The following UBR2 variants were observed in gnomAD, a reference collection of about 807,000 sequenced individuals.
UBR2 encodes the protein E3 ubiquitin-protein ligase UBR2.
A neutral mutation model predicts 247.9 loss-of-function variants in UBR2; 92 were observed. The ratio of observed to expected loss-of-function variants is 0.37; its 90% CI spans 0.31 to 0.44. UBR2 has a LOEUF of 0.44. Ranked by LOEUF, UBR2 falls within the 20% of genes least tolerant of loss-of-function variation. The pLI is 1.00. For missense variants in UBR2, 1,613 were observed against 2,112.6 expected (o/e 0.76, Z 4.64); for synonymous variants, 672 against 693.5 (o/e 0.97, Z 0.49).
In UBR2 at chr6:42,615,225, A is replaced by C. The variant is rs757682918; in HGVS notation, c.1093+47A>C. On this transcript the variant is annotated intron_variant, in intron 9 of 46. Coordinates refer to ENST00000372901, the MANE Select transcript of UBR2 (RefSeq NM_001363705.2). ...AAGGTGTAGAGGAACCTATATAAGT[A>C]ATTGGGATGTGAAAGGTTTTTATCA... 2.8e-6 allele frequency: 4 copies of C among 1,416,372 alleles called. No homozygotes were observed. In the South Asian group the frequency reaches 5.6e-5, roughly 20 times the overall value. The allele number at this position is 1,416,372 out of a possible 1,614,324, so 87.7% of individuals were successfully genotyped here. A position where few individuals can be genotyped will look rare whatever the true frequency, so the allele number is the denominator to read the frequency against.
rs748574936 is a variant in UBR2 at position 42,564,329 on chromosome 6, G to T, written c.10G>T (p.Glu4Ter). MAS[E>*]LEPEVQAIDR... ...AGGAGGAGGAGAGAAGATGGCGTCG[G>T]AGCTAGAGCCAGAGGTGCAGGCCAT... is the stretch of plus-strand genomic sequence containing the variant. The change falls in exon 1 of 47, where the codon GAG becomes TAG. Residue 4 changes from glutamate to a stop codon, truncating the protein, a stop_gained. Transcript: ENST00000372901. LOFTEE classifies it high-confidence loss of function. 1 of 1,611,254 alleles carries T rather than the reference G, an allele frequency of 6.2e-7. No individual in the cohort carries two copies. Among genetic ancestry groups the T allele is most frequent in the Non-Finnish European group, 8.5e-7 (1 of 1,179,030 alleles).
At chr6:42,687,046 G>A (rs867843429) in intron 44 of UBR2, among the ~76,000 whole-genome samples, 1 of 151,760 alleles carries the variant, frequency 6.6e-6, no homozygotes, top group South Asian at 2.1e-4. Context: ...CAGACTGGGC[G>A]GCCGGGCAGA....
At chr6:42,640,993 T>TGAG (rs1796412921) in intron 16 of UBR2, among the ~76,000 whole-genome samples, 1 of 151,988 alleles carries the variant, frequency 6.6e-6, no homozygotes, top group Non-Finnish European at 1.5e-5. Context: ...CCTCCCAAAG[T>TGAG]GCTGAGATTA....
At chr6:42,653,720 A>G (rs1174657658) in intron 25 of UBR2, among the ~76,000 whole-genome samples, 2 of 140,550 alleles carry the variant, frequency 1.4e-5, no homozygotes, top group Non-Finnish European at 3.0e-5. Context: ...GGTTCAAGCA[A>G]TTCTCCTGCC....
intron 44 of UBR2, among the ~76,000 whole-genome samples, chr6:42,687,985 T>A: frequency 6.6e-6 from 1 of 152,208 alleles, no homozygotes; most frequent in Non-Finnish European, 1.5e-5. Flanking sequence ...TTATTTATTT[T>A]TTTTTCTCCA....
In UBR2 at chr6:42,689,254, T is replaced by C. The variant is rs1350349090; in HGVS notation, c.5025-315T>C. Among the ~76,000 whole-genome samples the C allele has an allele frequency of 1.3e-5, 2 of 152,206 alleles. No homozygotes were observed. The highest frequency in any genetic ancestry group is 2.9e-5 in the Non-Finnish European group (2 of 68,038). ...CATGAGTGTGGGCTCCTCTGGAGCA[T>C]AGGTTGTATCCATAGCTTAGTCATC... On this transcript the variant is annotated intron_variant, in intron 45 of 46. Coordinates refer to ENST00000372901, the MANE Select transcript of UBR2 (RefSeq NM_001363705.2). The surrounding 1 kb of genome is among the most constrained non-coding windows in gnomAD (Gnocchi z 4.0).
At chr6:42,606,722 TG>T (rs1237423539) in intron 7 of UBR2, 71 bp downstream of exon 7, 1 of 1,305,610 alleles carries the variant, frequency 7.7e-7, no homozygotes, top group African/African-American at 1.5e-5. Flanking sequence ...TCAGCATTTA[TG>T]AACATGTCTT....
intron 30 of UBR2, among the ~76,000 whole-genome samples, chr6:42,661,592 C>T (rs959601973): frequency 6.6e-6 from 1 of 152,084 alleles, no homozygotes; most frequent in Non-Finnish European, 1.5e-5. Flanking sequence ...TTTTTCATCC[C>T]CTTTGAATAT....
chr6:42,573,352 G>A (rs61447183), intron 1 of UBR2, among the ~76,000 whole-genome samples: 3,368 of 152,238 alleles, frequency 0.022, 117 homozygotes, highest in African/African-American at 0.076. Flanking sequence ...ACAAACTGAC[G>A]TGAGAATTGA....
intron 2 of UBR2, among the ~76,000 whole-genome samples, chr6:42,577,588 T>C (rs1218113688): frequency 1.3e-5 from 2 of 152,224 alleles, no homozygotes; most frequent in Admixed American, 6.5e-5. Flanking sequence ...ATTTTGATAA[T>C]TGTATATTTT....
chr6:42,660,817 A>C (rs1455287965), intron 30 of UBR2, among the ~76,000 whole-genome samples: 1 of 151,468 alleles, frequency 6.6e-6, no homozygotes, highest in African/African-American at 2.4e-5. Flanking sequence ...CAAAAAAAAA[A>C]CTAGCCAAAT....
chr6:42,619,430 TA>T (rs1562317835), intron 11 of UBR2: 250 of 18,158 alleles, frequency 0.014, 25 homozygotes, highest in African/African-American at 0.043. Flanking sequence ...TATATATATA[TA>T]TATATATATA....
intron 8 of UBR2, among the ~76,000 whole-genome samples, chr6:42,614,228 A>C (rs1794302227): frequency 3.2e-5 from 3 of 94,000 alleles, no homozygotes; most frequent in Non-Finnish European, 4.6e-5. Flanking sequence ...ACACACACAC[A>C]CACACACACA....
At position 42,684,779 on chromosome 6, in the gene UBR2, T is replaced by C. The variant is rs1453353190; in HGVS notation, c.4776-15T>C. ...AAATTAATGGAGTGTTCTTTAATTT[T>C]TCTCTTTTTTTCAGATATCCAAGAG... On this transcript the variant is annotated splice_polypyrimidine_tract_variant and intron_variant, in intron 43 of 46. Transcript: ENST00000372901. 3 of 1,592,108 alleles carry C rather than the reference T, an allele frequency of 1.9e-6. No homozygotes were observed. The South Asian group carries it at 3.4e-5, about 18-fold the overall frequency.
intron 26 of UBR2, 74 bp downstream of exon 26, chr6:42,655,797 A>G: frequency 2.3e-6 from 2 of 861,576 alleles, no homozygotes; most frequent in Non-Finnish European, 3.4e-6. Flanking sequence ...AACCTCTTTT[A>G]TTTGATCATA....
intron 4 of UBR2, among the ~76,000 whole-genome samples, chr6:42,595,098 TG>T (rs1427265056): frequency 1.3e-5 from 2 of 152,236 alleles, no homozygotes; most frequent in Non-Finnish European, 2.9e-5. Flanking sequence ...CAATGTGTAA[TG>T]AGCAAATCAG....
intron 1 of UBR2, among the ~76,000 whole-genome samples, chr6:42,570,264 A>C (rs1233169916): frequency 1.3e-5 from 2 of 152,130 alleles, no homozygotes; most frequent in Non-Finnish European, 2.9e-5. Context: ...ACGGAGTCTC[A>C]CTCTGTCCTC....
intron 4 of UBR2, among the ~76,000 whole-genome samples, chr6:42,597,999 G>GA (rs572529587): frequency 1.8e-4 from 28 of 151,958 alleles, no homozygotes; most frequent in Non-Finnish European, 3.7e-4. Flanking sequence ...AGTAACTGTT[G>GA]AACATAATTT....
chr6:42,662,741 A>G (rs1209483938), intron 31 of UBR2, among the ~76,000 whole-genome samples: 1 of 152,174 alleles, frequency 6.6e-6, no homozygotes, highest in Non-Finnish European at 1.5e-5. Flanking sequence ...CAACAAATCA[A>G]TAATACTATT....
Sources: allele counts gnomAD v4.1 joint callset (sites outside exome capture counted in the v4.1 genomes callset), GRCh38; gene constraint gnomAD v4.1.1; non-coding constraint Gnocchi (gnomAD v3.1); transcripts MANE v1.5; gene names NCBI Gene and HGNC (gene_info 2026-07-23, HGNC 2026-07-21).